The following NTM variants were observed in gnomAD, a reference collection of about 807,000 sequenced individuals.
NTM encodes neurotrimin.
A neutral mutation model predicts 42.1 loss-of-function variants in NTM; 13 were observed. The ratio of observed to expected loss-of-function variants is 0.31; its 90% CI spans 0.20 to 0.49. NTM has a LOEUF of 0.49. NTM is among the 20% of genes least tolerant of loss of function. NTM has a pLI of 0.99. For synonymous variants in NTM, 187 were observed against 179.2 expected, an observed-to-expected ratio of 1.04 and a Z score of -0.35; for missense variants, 373 against 452.8, an observed-to-expected ratio of 0.82 and a Z score of 1.60.
intron 1 of NTM, among the ~76,000 whole-genome samples, chr11:131,760,699 C>T (rs985356965): frequency 1.3e-5 from 2 of 152,118 alleles, no homozygotes; most frequent in African/African-American, 4.8e-5. Context: ...GTTCCATCTC[C>T]GGGAAGAATC....
At chr11:132,249,647 A>T (rs1010739398) in intron 4 of NTM, among the ~76,000 whole-genome samples, 1 of 152,228 alleles carries the variant, frequency 6.6e-6, no homozygotes, top group Non-Finnish European at 1.5e-5. Flanking sequence ...AATGATTCTT[A>T]AAACCATGTA....
Position 132,160,071 on chromosome 11 carries a change from C to A in NTM, c.400+13557C>A, listed in dbSNP as rs117514002. Among the ~76,000 whole-genome samples the A allele has an allele frequency of 5.0e-3, 754 of 152,312 alleles. 1 individual carries two copies. Among genetic ancestry groups the A allele is most frequent in the South Asian group, 8.7e-3 (42 of 4,830 alleles). ...GGTCAGTGCAGGCTTCTTCCACCTT[C>A]TCCCACCTTGTTTTTCTAAAGAGTT... is the stretch of plus-strand genomic sequence containing the variant. On this transcript the variant is annotated intron_variant, in intron 3 of 8. Coordinates refer to ENST00000683400, the MANE Select transcript of NTM (RefSeq NM_001352005.2).
At chr11:131,937,277 A>G (rs12098973) in intron 2 of NTM, among the ~76,000 whole-genome samples, 48,885 of 152,130 alleles carry the variant, frequency 0.32, 11,404 homozygotes, top group African/African-American at 0.66. Flanking sequence ...TATTGGAGTC[A>G]TACTTTAGTT....
chr11:132,318,152 G>A (rs1363414241), intron 7 of NTM, among the ~76,000 whole-genome samples: 1 of 152,182 alleles, frequency 6.6e-6, no homozygotes, highest in Non-Finnish European at 1.5e-5. Context: ...GGATAGGCAT[G>A]GCACTGCATG....
At chr11:132,334,541 C>T (rs1410412902) in intron 8 of NTM, among the ~76,000 whole-genome samples, 1 of 152,160 alleles carries the variant, frequency 6.6e-6, no homozygotes, top group Non-Finnish European at 1.5e-5. Flanking sequence ...GCCTCTGTGC[C>T]CAAGGAAGCA....
chr11:132,068,656 A>G lies in NTM; in HGVS notation c.168-77626A>G, dbSNP rs146996667. On this transcript the variant is annotated intron_variant, in intron 2 of 8. Transcript: ENST00000683400. ...CTCACTTCCTTGTAGCAAAATCTGC[A>G]TCAGTCAGGGTTAAACCAGAGACAC... 6.1e-3 allele frequency among the ~76,000 whole-genome samples: 926 copies of G among 152,366 alleles called. 9 individuals carry two copies. Among genetic ancestry groups the G allele is most frequent in the South Asian group, 0.028 (133 of 4,830 alleles).
At chr11:131,916,308 A>G (rs947656204) in intron 2 of NTM, among the ~76,000 whole-genome samples, 3 of 152,204 alleles carry the variant, frequency 2.0e-5, no homozygotes, top group African/African-American at 7.2e-5. Flanking sequence ...GGCAGTTTCA[A>G]TGAATGCTTT....
At chr11:131,849,832 G>C (rs576742863) in intron 1 of NTM, among the ~76,000 whole-genome samples, 2 of 131,982 alleles carry the variant, frequency 1.5e-5, no homozygotes, top group African/African-American at 5.7e-5. Flanking sequence ...GGGGTGGGGG[G>C]CGGGGGGAGG....
At chr11:132,208,087 T>C (rs2082260261) in intron 3 of NTM, among the ~76,000 whole-genome samples, 1 of 152,210 alleles carries the variant, frequency 6.6e-6, no homozygotes, top group Non-Finnish European at 1.5e-5. Context: ...ACAATCCTAG[T>C]ATGTTTCTAA....
intron 4 of NTM, among the ~76,000 whole-genome samples, chr11:132,248,625 G>T (rs2091538773): frequency 2.0e-5 from 3 of 152,186 alleles, no homozygotes; most frequent in Admixed American, 2.0e-4. Context: ...GGAAGCCAAG[G>T]TCTGGAAGTG....
intron 3 of NTM, among the ~76,000 whole-genome samples, chr11:132,210,973 T>C (rs1176655415): frequency 6.6e-6 from 1 of 151,888 alleles, no homozygotes; most frequent in East Asian, 1.9e-4. Context: ...GAGAGAGAGA[T>C]GTTATGGCTA....
chr11:132,149,175 G>A (rs2071279423), intron 3 of NTM, among the ~76,000 whole-genome samples: 1 of 138,900 alleles, frequency 7.2e-6, no homozygotes, highest in African/African-American at 2.8e-5. Flanking sequence ...AAACTAAATA[G>A]AGCCAGATTC....
chr11:131,952,418 C>T (rs772061720), intron 2 of NTM, among the ~76,000 whole-genome samples: 7 of 152,146 alleles, frequency 4.6e-5, no homozygotes, highest in East Asian at 1.9e-4. Context: ...TGTACATGCA[C>T]GTATGTATAT....
intron 2 of NTM, among the ~76,000 whole-genome samples, chr11:132,132,159 C>T (rs1054478922): frequency 6.6e-6 from 1 of 152,152 alleles, no homozygotes; most frequent in African/African-American, 2.4e-5. Context: ...ACCACTGCCC[C>T]GCCCCCATCT....
intron 1 of NTM, among the ~76,000 whole-genome samples, chr11:131,854,186 G>T (rs924516207): frequency 6.6e-6 from 1 of 152,176 alleles, no homozygotes; most frequent in Non-Finnish European, 1.5e-5. Context: ...AAGGCCAAGA[G>T]GGTTTAATCC....
chr11:132,127,232 GTCTT>G (rs2065994596), intron 2 of NTM, among the ~76,000 whole-genome samples: 1 of 152,230 alleles, frequency 6.6e-6, no homozygotes, highest in African/African-American at 2.4e-5. Flanking sequence ...TCCCAGGAAA[GTCTT>G]TGGTTAAAGC....
chr11:132,256,808 A>C (rs993196458), intron 4 of NTM, among the ~76,000 whole-genome samples: 1 of 152,120 alleles, frequency 6.6e-6, no homozygotes, highest in Non-Finnish European at 1.5e-5. Context: ...CAGCGATTCC[A>C]GCCGCAGGAG....
At chr11:131,911,030 T>G in intron 1 of NTM, 1 of 1,029,500 alleles carries the variant, frequency 9.7e-7, no homozygotes, top group Non-Finnish European at 1.2e-6. Flanking sequence ...ATGTCCCCCG[T>G]TCGAACTGAG....
At chr11:132,011,693 G>T (rs1025478020) in intron 2 of NTM, among the ~76,000 whole-genome samples, 17 of 152,178 alleles carry the variant, frequency 1.1e-4, no homozygotes, top group African/African-American at 3.4e-4. Flanking sequence ...GTTGGCCTAG[G>T]TCACACAGCT....
Sources: gnomAD v4.1 joint callset for allele counts (sites outside exome capture counted in the v4.1 genomes callset) on GRCh38, gnomAD v4.1.1 for gene constraint, MANE v1.5 for transcripts, NCBI Gene and HGNC (gene_info 2026-07-23, HGNC 2026-07-21) for gene names.